Variants in MYH16 observed in about 807,000 individuals in gnomAD.
MYH16 encodes the protein myosin heavy chain 16.
At chr7:99,274,123 C>T (rs1026492375) in intron 20 of MYH16, among the ~76,000 whole-genome samples, 7 of 152,210 alleles carry the variant, frequency 4.6e-5, no homozygotes, top group Non-Finnish European at 8.8e-5. Context: ...TGATAAGGTC[C>T]GACCTCTCAT....
At chr7:99,265,999 C>G (rs1791983330) in intron 17 of MYH16, among the ~76,000 whole-genome samples, 1 of 152,216 alleles carries the variant, frequency 6.6e-6, no homozygotes, top group Non-Finnish European at 1.5e-5. Flanking sequence ...CAATCAGTGA[C>G]TGAGGAGAGC....
intron 17 of MYH16, among the ~76,000 whole-genome samples, chr7:99,266,044 G>A (rs149754752): frequency 9.3e-4 from 141 of 152,310 alleles, no homozygotes; most frequent in African/African-American, 3.2e-3. Flanking sequence ...TCACCCTTCT[G>A]GTGGCTAAAT....
chr7:99,270,914 G>A (rs1283653427), intron 18 of MYH16: 5 of 152,444 alleles, frequency 3.3e-5, no homozygotes, highest in African/African-American at 7.2e-5. Flanking sequence ...GGCTGCCATC[G>A]GTGACAGCCG....
rs146784559 is a variant in MYH16 at position 99,304,933 on chromosome 7, C to T, written n.5434+177C>T. On this transcript the variant is annotated intron_variant and non_coding_transcript_variant, in intron 40 of 41. Coordinates refer to ENST00000439784, the Ensembl canonical transcript of MYH16. ...AGGTGCAGTGGCTCACGCCCGTAAT[C>T]CTAATACTTTAGGAGGCCAAGGCGG... 7.9e-5 allele frequency among the ~76,000 whole-genome samples: 12 copies of T among 152,248 alleles called. 1 individual carries two copies. Among genetic ancestry groups the T allele is most frequent in the African/African-American group, 2.6e-4 (11 of 41,548 alleles).
intron 30 of MYH16, among the ~76,000 whole-genome samples, chr7:99,290,669 G>T (rs76795434): frequency 6.6e-6 from 1 of 151,770 alleles, no homozygotes; most frequent in African/African-American, 2.4e-5. Context: ...TGGGCATGGT[G>T]GTACACACTT....
At chr7:99,240,809 CA>C (rs1791658393) in intron 1 of MYH16, among the ~76,000 whole-genome samples, 1 of 148,814 alleles carries the variant, frequency 6.7e-6, no homozygotes, top group Non-Finnish European at 1.5e-5. Flanking sequence ...TGCTGCACTC[CA>C]GCCTGGGTGA....
At chr7:99,253,146 A>T (rs1455498811) in intron 7 of MYH16, 2 of 152,010 alleles carry the variant, frequency 1.3e-5, no homozygotes, top group African/African-American at 4.8e-5. Context: ...ACATGCCTGT[A>T]GTCCCAGCTA....
chr7:99,262,479 TG>T (rs1005703709), intron 13 of MYH16, among the ~76,000 whole-genome samples: 26 of 152,220 alleles, frequency 1.7e-4, no homozygotes, highest in African/African-American at 6.3e-4. Flanking sequence ...CACACTGAAC[TG>T]AGAAGAGTTC....
chr7:99,272,018 G>A (rs1792052756), intron 19 of MYH16, among the ~76,000 whole-genome samples: 2 of 152,040 alleles, frequency 1.3e-5, no homozygotes, highest in Admixed American at 6.6e-5. Context: ...TTTTTATATG[G>A]ACACCAGTCA....
chr7:99,243,097 C>A (rs899547018), intron 1 of MYH16, among the ~76,000 whole-genome samples: 3 of 152,236 alleles, frequency 2.0e-5, no homozygotes, highest in African/African-American at 7.2e-5. Flanking sequence ...GTTGAAGCTG[C>A]ATTGGCCTCA....
At chr7:99,294,255 A>G (rs1205016975) in intron 33 of MYH16, 105 bp downstream of exon 14, 1 of 364,808 alleles carries the variant, frequency 2.7e-6, no homozygotes, top group Non-Finnish European at 5.4e-6. Flanking sequence ...GAAGAAACAC[A>G]TGGTTCAAGA....
rs1791927234 is a variant in MYH16, at chr7:99,260,522, G to C, written n.1575+188G>C. 18 of 329,160 alleles carry C rather than the reference G, an allele frequency of 5.5e-5. No individual in the cohort carries two copies. The South Asian group carries it at 6.2e-4, about 11-fold the overall frequency. The allele number at this position is 329,160 out of a possible 1,614,324, so 20.4% of individuals were successfully genotyped here. A position where few individuals can be genotyped will look rare whatever the true frequency, so the allele number is the denominator to read the frequency against. ...TGACTGCAATGACTACTGTTTGTTG[G>C]GCTATTGCATGCCACCATTCATTGG... On this transcript the variant is annotated intron_variant and non_coding_transcript_variant, in intron 12 of 41. Coordinates refer to ENST00000439784, the Ensembl canonical transcript of MYH16.
At chr7:99,248,700 C>T (rs1791768363) in intron 3 of MYH16, among the ~76,000 whole-genome samples, 1 of 152,076 alleles carries the variant, frequency 6.6e-6, no homozygotes, top group Admixed American at 6.6e-5. Flanking sequence ...TGATTTTTGT[C>T]CTCATTTCTC....
intron 2 of MYH16, among the ~76,000 whole-genome samples, chr7:99,245,685 G>A (rs901813517): frequency 1.3e-5 from 2 of 152,014 alleles, no homozygotes; most frequent in Non-Finnish European, 2.9e-5. Flanking sequence ...GCGCTACCAC[G>A]CCCAGCTAAT....
chr7:99,285,360 C>T (rs1244036384), intron 26 of MYH16, 22 bp from the exon 9 acceptor site: 1 of 456,512 alleles, frequency 2.2e-6, no homozygotes, highest in Non-Finnish European at 4.4e-6. Context: ...GAGATGAATC[C>T]CCTCCCTCCT....
At chr7:99,283,308 C>A (rs1792227526) in intron 23 of MYH16, among the ~76,000 whole-genome samples, 1 of 152,196 alleles carries the variant, frequency 6.6e-6, no homozygotes, top group Admixed American at 6.5e-5. Flanking sequence ...GGCTCGGGTG[C>A]AGTGGTACGA....
At chr7:99,254,674 A>G (rs1791851793) in intron 8 of MYH16, among the ~76,000 whole-genome samples, 1 of 152,222 alleles carries the variant, frequency 6.6e-6, no homozygotes. Flanking sequence ...GCCCAGACAT[A>G]AAGTGGGAGG....
rs1792263998 is a variant in MYH16 at position 99,285,440 on chromosome 7, T to C, written n.3373+2T>C. The C allele has an allele frequency of 2.2e-6, 1 of 456,720 alleles. No homozygotes were observed. Among genetic ancestry groups the C allele is most frequent in the Admixed American group, 2.3e-5 (1 of 42,580 alleles). 28.3% of individuals were successfully genotyped at this position (456,720 alleles called of 1,614,324 possible). On this transcript the variant is annotated splice_donor_variant and non_coding_transcript_variant, in intron 27 of 41. Transcript: ENST00000439784. ...GCTGAGAGGGCCATGAGAGCCAAGG[T>C]AAATGAAATACGTTTCCCCTTCTTG...
rs1273930322 is a variant in MYH16, at chr7:99,299,052, C to T, written n.4741-414C>T. 2.0e-5 allele frequency among the ~76,000 whole-genome samples: 3 copies of T among 150,208 alleles called. No homozygotes were observed. The East Asian group carries it at 5.9e-4, about 29-fold the overall frequency. On this transcript the variant is annotated intron_variant and non_coding_transcript_variant, in intron 36 of 41. Transcript: ENST00000439784. Reference sequence around the variant, plus strand: ...GATCAGCCTGGGCAACATAGCAAAACCCCGCTCTACAAAAAAAAAATAAAA... The same window carrying T: ...GATCAGCCTGGGCAACATAGCAAAATCCCGCTCTACAAAAAAAAAATAAAA...
Sources: allele counts gnomAD v4.1 joint callset (sites outside exome capture counted in the v4.1 genomes callset), GRCh38; gene constraint gnomAD v4.1.1; transcripts MANE v1.5; gene names NCBI Gene and HGNC (gene_info 2026-07-23, HGNC 2026-07-21).